The following KIAA0319 variants were observed in gnomAD, a reference collection of about 807,000 sequenced individuals.
KIAA0319 encodes dyslexia-associated protein KIAA0319.
A neutral mutation model predicts 108.4 loss-of-function variants in KIAA0319; 83 were observed. The ratio of observed to expected loss-of-function variants is 0.77; its 90% CI spans 0.64 to 0.92. KIAA0319 has a LOEUF of 0.92. Among genes scored for constraint, KIAA0319 ranks in the 40% least tolerant of loss-of-function variants. KIAA0319 has a pLI of 0.00. For synonymous variants in KIAA0319, 484 were observed against 510.4 expected (o/e 0.95, Z 0.70); for missense variants, 1,195 against 1,322.4 (o/e 0.90, Z 1.49).
intron 1 of KIAA0319, among the ~76,000 whole-genome samples, chr6:24,642,233 GAA>G (rs1296570190): frequency 7.0e-6 from 1 of 142,342 alleles, no homozygotes; most frequent in South Asian, 2.2e-4. Flanking sequence ...GAAAGAAAGA[GAA>G]AGAAAAAAAG....
At chr6:24,601,636 G>A (rs571117016) in intron 1 of KIAA0319, among the ~76,000 whole-genome samples, 6 of 152,198 alleles carry the variant, frequency 3.9e-5, no homozygotes, top group Admixed American at 3.9e-4. Flanking sequence ...CAGGCAGCTC[G>A]CTAGAAGTGG....
intron 16 of KIAA0319, among the ~76,000 whole-genome samples, chr6:24,559,732 T>C (rs1762837363): frequency 1.3e-5 from 2 of 152,124 alleles, no homozygotes; most frequent in South Asian, 4.1e-4. Context: ...AACTTACATA[T>C]CATAAAATTC....
chr6:24,608,509 A>C (rs1045901333), intron 1 of KIAA0319, among the ~76,000 whole-genome samples: 8 of 152,182 alleles, frequency 5.3e-5, no homozygotes, highest in African/African-American at 1.7e-4. Context: ...GTCCTACCAT[A>C]TAATGAAATA....
At chr6:24,561,768 C>T (rs1057051592) in intron 16 of KIAA0319, among the ~76,000 whole-genome samples, 8 of 151,894 alleles carry the variant, frequency 5.3e-5, no homozygotes, top group Admixed American at 2.6e-4. Flanking sequence ...TGCAGTGGCG[C>T]GATAGCTCAC....
chr6:24,591,144 C>T (rs1768402745), intron 3 of KIAA0319, among the ~76,000 whole-genome samples: 3 of 152,192 alleles, frequency 2.0e-5, no homozygotes, highest in Admixed American at 2.0e-4. Flanking sequence ...CCTAGATACC[C>T]TGTTCAATGG....
intron 7 of KIAA0319, 102 bp from the exon 8 acceptor site, chr6:24,580,052 GT>G (rs1766243826): frequency 3.5e-6 from 3 of 862,142 alleles, no homozygotes. Context: ...TACATGTCCT[GT>G]CAAGAAGGTG....
chr6:24,580,334 A>C (rs1766303436), intron 7 of KIAA0319, among the ~76,000 whole-genome samples: 1 of 93,894 alleles, frequency 1.1e-5, no homozygotes, highest in African/African-American at 4.3e-5. Context: ...CCCCATAACC[A>C]TATGCAAAAG....
At chr6:24,641,984 T>G (rs1368700735) in intron 1 of KIAA0319, among the ~76,000 whole-genome samples, 3 of 134,316 alleles carry the variant, frequency 2.2e-5, no homozygotes, top group Non-Finnish European at 4.6e-5. Flanking sequence ...GCACTGTACT[T>G]CAGCCTGGGT....
chr6:24,570,054 T>A lies in KIAA0319; in HGVS notation c.1859-19A>T. The A allele has an allele frequency of 6.2e-7, 1 of 1,610,840 alleles. No homozygotes were observed. The highest frequency in any genetic ancestry group is 8.5e-7 in the Non-Finnish European group (1 of 1,178,240). On this transcript the variant is annotated intron_variant, in intron 11 of 20. Coordinates refer to ENST00000378214, the MANE Select transcript of KIAA0319 (RefSeq NM_014809.4). ...TTGTTTTCTGGAATTACAGAAACAG[T>A]GTGAAAAAGTATTATCTCTTTGCAT...
In KIAA0319 at chr6:24,579,412, G is replaced by GATAGATATATATATATATATATAT. The variant is rs1554157110; in HGVS notation, c.1372+445_1372+446insATATATATATATATATATATCTAT. On this transcript the variant is annotated intron_variant, in intron 8 of 20. Transcript: ENST00000378214. ...GGTCACGGGAGCTCCTCTATATAAA[G>GATAGATATATATATATATATATAT]ATATATATATATATATATATCTTAT... Among the ~76,000 whole-genome samples, 47 of 127,242 alleles carry GATAGATATATATATATATATATAT rather than the reference G, an allele frequency of 3.7e-4. 2 individuals are homozygous for GATAGATATATATATATATATATAT. The highest frequency in any genetic ancestry group is 1.3e-3 in the African/African-American group (42 of 31,450). 83.5% of individuals were successfully genotyped at this position (127,242 alleles called of 152,430 possible).
At chr6:24,568,673 GAACA>G in intron 13 of KIAA0319, 104 bp downstream of exon 13, 1 of 1,181,136 alleles carries the variant, frequency 8.5e-7, no homozygotes, top group East Asian at 2.4e-5. Context: ...CATCTGCTGC[GAACA>G]AATAAGCAAA....
At chr6:24,617,843 C>T (rs988286747) in intron 1 of KIAA0319, among the ~76,000 whole-genome samples, 3 of 152,024 alleles carry the variant, frequency 2.0e-5, no homozygotes, top group African/African-American at 4.8e-5. Flanking sequence ...AAAAATTAGC[C>T]AGATGTGGTG....
intron 1 of KIAA0319, among the ~76,000 whole-genome samples, chr6:24,614,514 T>C (rs1772864538): frequency 6.6e-6 from 1 of 152,120 alleles, no homozygotes; most frequent in South Asian, 2.1e-4. Flanking sequence ...CATTCCATAA[T>C]GTTCCTGGCA....
intron 18 of KIAA0319, among the ~76,000 whole-genome samples, chr6:24,556,315 G>A (rs1218232981): frequency 6.6e-6 from 1 of 151,654 alleles, no homozygotes; most frequent in Non-Finnish European, 1.5e-5. Context: ...TGAGTAGCTG[G>A]GACTACAGGC....
At chr6:24,587,775 A>G (rs943528330) in intron 4 of KIAA0319, among the ~76,000 whole-genome samples, 4 of 151,752 alleles carry the variant, frequency 2.6e-5, no homozygotes, top group Non-Finnish European at 4.4e-5. Context: ...TTTTTAGTAG[A>G]GATGGGGTTT....
intron 1 of KIAA0319, among the ~76,000 whole-genome samples, chr6:24,614,082 G>A (rs971252614): frequency 1.3e-5 from 2 of 152,108 alleles, no homozygotes; most frequent in African/African-American, 4.8e-5. Context: ...ACCAATAAAC[G>A]CAGGTCAACT....
intron 1 of KIAA0319, among the ~76,000 whole-genome samples, chr6:24,606,415 G>C (rs1771417627): frequency 6.6e-6 from 1 of 152,150 alleles, no homozygotes; most frequent in Non-Finnish European, 1.5e-5. Context: ...ATGGGGTAAG[G>C]CTCGGGACTG....
rs944229618 is a variant in KIAA0319, at chr6:24,599,736, G to A, written c.55+1313C>T. On this transcript the variant is annotated intron_variant, in intron 2 of 20. Transcript: ENST00000378214. The surrounding 1 kb of genome is among the most constrained non-coding windows in gnomAD (Gnocchi z 4.1). ...CAGGGCCATGGTTGTGAAGAAGATC[G>A]AGATTTGTGATAGGAAACTGGTGTC... 9 of 556,006 alleles carry A rather than the reference G, an allele frequency of 1.6e-5. No homozygotes were observed. In the African/African-American group the frequency reaches 1.7e-4, roughly 11 times the overall value. 34.4% of individuals were successfully genotyped at this position (556,006 alleles called of 1,614,324 possible).
chr6:24,626,989 G>A (rs1774805267), intron 1 of KIAA0319, among the ~76,000 whole-genome samples: 1 of 152,174 alleles, frequency 6.6e-6, no homozygotes, highest in African/African-American at 2.4e-5. Context: ...ATTCTAGAGT[G>A]AGTTATTGAA....
Sources: gnomAD v4.1 joint callset for allele counts (sites outside exome capture counted in the v4.1 genomes callset) on GRCh38, gnomAD v4.1.1 for gene constraint, Gnocchi (gnomAD v3.1) non-coding constraint, MANE v1.5 for transcripts, NCBI Gene and HGNC (gene_info 2026-07-23, HGNC 2026-07-21) for gene names.